Variants in SPRED2 observed in about 807,000 individuals in gnomAD.
SPRED2 encodes the protein sprouty related EVH1 domain containing 2, also known as sprouty-related, EVH1 domain-containing protein 2.
Under a neutral mutation model 43.0 loss-of-function variants are expected in SPRED2, and 47 were observed. The ratio of observed to expected loss-of-function variants is 1.09; its 90% CI spans 0.87 to 1.40. SPRED2 has a LOEUF of 1.40. Among genes scored for constraint, SPRED2 ranks in the 40% most tolerant of loss-of-function variants. The pLI is 0.00. For missense variants in SPRED2, 561 were observed against 586.4 expected (o/e 0.96, Z 0.45); for synonymous variants, 225 against 225.7 (o/e 1.00, Z 0.03).
At chr2:65,309,156 C>CAA (rs11334053), downstream of SPRED2, among the ~76,000 whole-genome samples, 2,099 of 138,156 alleles carry the variant, frequency 0.015, 39 homozygotes, top group African/African-American at 0.051. Context: ...AACTCAGTCT[C>CAA]AAAAAAAAAA....
At chr2:65,322,343 G>C (rs1002834171) in intron 4 of SPRED2, among the ~76,000 whole-genome samples, 2 of 135,932 alleles carry the variant, frequency 1.5e-5, no homozygotes, top group African/African-American at 5.6e-5. Context: ...GCCCAGGCTG[G>C]AGTGCAGTGG....
At chr2:65,431,284 C>T (rs1244460980) in intron 1 of SPRED2, among the ~76,000 whole-genome samples, 8 of 151,550 alleles carry the variant, frequency 5.3e-5, no homozygotes, top group Admixed American at 4.6e-4. Context: ...CCTCGGTCCG[C>T]CCCGAGCCGC....
chr2:65,404,232 AG>A (rs1210634654), intron 1 of SPRED2, among the ~76,000 whole-genome samples: 1 of 152,146 alleles, frequency 6.6e-6, no homozygotes, highest in African/African-American at 2.4e-5. Context: ...AGAAAGAAAA[AG>A]AAGAAACATT....
At chr2:65,382,229 T>C (rs987516431) in intron 1 of SPRED2, among the ~76,000 whole-genome samples, 10 of 152,018 alleles carry the variant, frequency 6.6e-5, no homozygotes, top group Admixed American at 1.3e-4. Context: ...ACAGGTCCCA[T>C]GTGGGACAGA....
intron 4 of SPRED2, among the ~76,000 whole-genome samples, chr2:65,330,342 C>T (rs1006866520): frequency 1.3e-5 from 2 of 152,208 alleles, no homozygotes; most frequent in Admixed American, 1.3e-4. Context: ...AAAGACACTC[C>T]TGGGACAACT....
At chr2:65,380,143 A>G (rs955196980) in intron 1 of SPRED2, among the ~76,000 whole-genome samples, 2 of 152,194 alleles carry the variant, frequency 1.3e-5, no homozygotes, top group African/African-American at 4.8e-5. Flanking sequence ...CTGGTGTGCA[A>G]GTCAACCTAA....
intron 4 of SPRED2, among the ~76,000 whole-genome samples, chr2:65,326,500 AC>A (rs1442959509): frequency 5.3e-5 from 8 of 152,180 alleles, no homozygotes; most frequent in African/African-American, 1.9e-4. Flanking sequence ...AGTAGGCCAG[AC>A]CTGTATTCTT....
intron 1 of SPRED2, among the ~76,000 whole-genome samples, chr2:65,397,524 C>G (rs979899251): frequency 3.3e-5 from 5 of 152,106 alleles, no homozygotes; most frequent in Admixed American, 3.3e-4. Flanking sequence ...ATTTCTTGGT[C>G]CATCACTAGG....
At chr2:65,377,816 GTC>G (rs1220634631) in intron 1 of SPRED2, 1 of 419,374 alleles carries the variant, frequency 2.4e-6, no homozygotes, top group Non-Finnish European at 4.9e-6. Context: ...CCCGGGGGCA[GTC>G]CCAGCACTTC....
intron 1 of SPRED2, among the ~76,000 whole-genome samples, chr2:65,345,729 T>C (rs898066884): frequency 3.3e-5 from 5 of 152,184 alleles, no homozygotes; most frequent in African/African-American, 1.2e-4. Context: ...GGTAGGAAAA[T>C]ATTTCAATTC....
At chr2:65,381,706 A>G (rs1468954970) in intron 1 of SPRED2, among the ~76,000 whole-genome samples, 1 of 152,190 alleles carries the variant, frequency 6.6e-6, no homozygotes, top group Non-Finnish European at 1.5e-5. Flanking sequence ...CTGGCTGATG[A>G]CAGAAGCCCT....
In SPRED2 at chr2:65,344,582, C is replaced by T. The variant is rs769054309; in HGVS notation, c.204+137G>A. The T allele has an allele frequency of 2.1e-5, 25 of 1,216,956 alleles. No individual in the cohort carries two copies. In the South Asian group the frequency reaches 2.9e-4, roughly 14 times the overall value. The allele number at this position is 1,216,956 out of a possible 1,614,324, so 75.4% of individuals were successfully genotyped here. The stretch of plus-strand genomic sequence containing the variant: ...ACAATTTGGCACCAGCTCCGGGGTT[C>T]TAACTTTTGAAGCTTTTGCAAGAGT... On this transcript the variant is annotated intron_variant, in intron 2 of 5. Coordinates refer to ENST00000356388, the MANE Select transcript of SPRED2 (RefSeq NM_181784.3).
chr2:65,401,818 T>A (rs796608313), intron 1 of SPRED2, among the ~76,000 whole-genome samples: 3 of 150,920 alleles, frequency 2.0e-5, no homozygotes, highest in African/African-American at 7.3e-5. Flanking sequence ...AATAAATAAA[T>A]AAATAAAAAA....
chr2:65,356,848 G>C (rs1674667481), intron 1 of SPRED2, among the ~76,000 whole-genome samples: 1 of 152,046 alleles, frequency 6.6e-6, no homozygotes, highest in Non-Finnish European at 1.5e-5. Flanking sequence ...ACAAAAATTA[G>C]CTGGGTGTGA....
intron 1 of SPRED2, among the ~76,000 whole-genome samples, chr2:65,350,591 G>A (rs1674479197): frequency 6.6e-6 from 1 of 152,182 alleles, no homozygotes; most frequent in South Asian, 2.1e-4. Context: ...AAAGCCTTGT[G>A]TTCCCAACAT....
chr2:65,414,162 T>C (rs1476435424), intron 1 of SPRED2, among the ~76,000 whole-genome samples: 1 of 152,226 alleles, frequency 6.6e-6, no homozygotes, highest in Non-Finnish European at 1.5e-5. Flanking sequence ...AATTTGTTTT[T>C]TCACAGGCAT....
At chr2:65,405,667 G>A (rs1358804715) in intron 1 of SPRED2, among the ~76,000 whole-genome samples, 1 of 152,204 alleles carries the variant, frequency 6.6e-6, no homozygotes, top group African/African-American at 2.4e-5. Context: ...TTTTGTGGGA[G>A]TGATACGGCA....
intron 1 of SPRED2, among the ~76,000 whole-genome samples, chr2:65,361,593 T>C (rs1674815521): frequency 6.6e-6 from 1 of 152,240 alleles, no homozygotes; most frequent in African/African-American, 2.4e-5. Flanking sequence ...TTGTAAAGAT[T>C]AAACACACAG....
chr2:65,431,959 T>G lies in SPRED2; in HGVS notation c.26+3A>C. ...CCTCGTCCCACCCCGCGACCAAACTTACTCGTCTGGGTGTGTTTCTTCGGT... is the reference window on the plus strand; with the variant it reads ...CCTCGTCCCACCCCGCGACCAAACTGACTCGTCTGGGTGTGTTTCTTCGGT... On this transcript the variant is annotated splice_donor_region_variant and intron_variant, in intron 1 of 5. Coordinates refer to ENST00000356388, the MANE Select transcript of SPRED2 (RefSeq NM_181784.3). 3 of 1,613,928 alleles carry G rather than the reference T, an allele frequency of 1.9e-6. No individual in the cohort carries two copies. The highest frequency in any genetic ancestry group is 1.3e-5 in the African/African-American group (1 of 75,050).
Sources: gnomAD v4.1 joint callset for allele counts (sites outside exome capture counted in the v4.1 genomes callset) on GRCh38, gnomAD v4.1.1 for gene constraint, MANE v1.5 for transcripts, NCBI Gene and HGNC (gene_info 2026-07-23, HGNC 2026-07-21) for gene names.